POLK: variants seen among roughly 807,000 people sequenced by gnomAD.
POLK encodes polymerase (DNA directed) kappa.
In POLK, 76 loss-of-function variants were observed where a neutral mutation model predicts 94.0. The ratio of observed to expected loss-of-function variants is 0.81; its 90% CI spans 0.67 to 0.98. The LOEUF (loss-of-function observed/expected upper bound fraction) is 0.98. Among genes scored for constraint, POLK ranks in the 50% least tolerant of loss-of-function variants. The pLI is 0.00. For missense variants in POLK, 954 were observed against 1,010.1 expected, an observed-to-expected ratio of 0.94 and a Z score of 0.75; for synonymous variants, 349 against 325.4, an observed-to-expected ratio of 1.07 and a Z score of -0.78.
intron 3 of POLK, 126 bp from the exon 4 acceptor site, chr5:75,569,214 T>G (rs1348006450): frequency 4.8e-6 from 3 of 631,426 alleles, no homozygotes; most frequent in Non-Finnish European, 8.0e-6. Flanking sequence ...AATGGATGGA[T>G]GGATGGATGA....
chr5:75,547,158 GTA>G lies in POLK; in HGVS notation c.135+3_135+4del. 6.6e-7 allele frequency: 1 copy of G among 1,520,754 alleles called. No homozygotes were observed. The allele number at this position is 1,520,754 out of a possible 1,614,324, so 94.2% of individuals were successfully genotyped here. Reference sequence around the variant, plus strand: ...CAAAATTATAATGGAAGCCACGAAGGTATGTTTCTTGTTTCTTTTGATGTGTG... The same window carrying G: ...CAAAATTATAATGGAAGCCACGAAGGTGTTTCTTGTTTCTTTTGATGTGTG... On this transcript the variant is annotated splice_donor_variant and splice_donor_region_variant and intron_variant, in intron 2 of 14. Coordinates refer to ENST00000241436, the Ensembl canonical transcript of POLK. LOFTEE classifies it high-confidence loss of function.
At chr5:75,557,867 G>A (rs764825233) in intron 3 of POLK, among the ~76,000 whole-genome samples, 35 of 152,174 alleles carry the variant, frequency 2.3e-4, no homozygotes, top group Admixed American at 4.6e-4. Flanking sequence ...TCAGCTCACT[G>A]CATCTTCCTC....
In POLK at chr5:75,596,964, A is replaced by T. The variant is rs199828662; in HGVS notation, c.2271A>T (p.Gly757=). ...TTTCATTGGAAAACGAAGATGTTGG[A>T]TCATTTAGACAAGAATACCGCCAGC... Residue 757 remains glycine (G), a synonymous_variant, in exon 13 of 15, where the codon GGA becomes GGT. Transcript: ENST00000241436. The T allele has an allele frequency of 4.3e-6, 7 of 1,613,764 alleles. No homozygotes were observed. In the East Asian group the frequency reaches 1.6e-4, roughly 36 times the overall value.
At chr5:75,535,232 A>G (rs1769383455) in intron 1 of POLK, among the ~76,000 whole-genome samples, 1 of 152,180 alleles carries the variant, frequency 6.6e-6, no homozygotes, top group Non-Finnish European at 1.5e-5. Context: ...TTGGCTGGAT[A>G]TGGAATTCTT....
intron 4 of POLK, 73 bp from the exon 5 acceptor site, chr5:75,573,665 T>C: frequency 8.2e-7 from 1 of 1,213,396 alleles, no homozygotes; most frequent in Non-Finnish European, 1.2e-6. Context: ...TTAATGTGTT[T>C]CTTATGAATG....
chr5:75,578,366 A>G (rs963684854), intron 6 of POLK, among the ~76,000 whole-genome samples: 1 of 152,160 alleles, frequency 6.6e-6, no homozygotes, highest in African/African-American at 2.4e-5. Flanking sequence ...CATGTTGGCC[A>G]GGCTGGTCTC....
intron 2 of POLK, among the ~76,000 whole-genome samples, chr5:75,550,716 A>T (rs931499182): frequency 4.6e-5 from 7 of 152,204 alleles, no homozygotes; most frequent in African/African-American, 1.7e-4. Flanking sequence ...ACCACTATTC[A>T]TGCTAAAAGC....
the POLK span, among the ~76,000 whole-genome samples, chr5:75,608,120 C>A: frequency 6.6e-6 from 1 of 152,118 alleles, no homozygotes. Context: ...AAATTGCATT[C>A]CATATTTATT....
At chr5:75,517,924 T>C (rs1026660886) in intron 1 of POLK, among the ~76,000 whole-genome samples, 1 of 152,248 alleles carries the variant, frequency 6.6e-6, no homozygotes, top group African/African-American at 2.4e-5. Flanking sequence ...ATTCTGTTAA[T>C]GTGATGTATC....
intron 3 of POLK, among the ~76,000 whole-genome samples, chr5:75,563,168 G>T (rs1771077143): frequency 6.6e-6 from 1 of 152,082 alleles, no homozygotes; most frequent in East Asian, 1.9e-4. Flanking sequence ...CTCCATGTTG[G>T]TCAGGCTGGT....
At chr5:75,555,146 A>G (rs569405812) in intron 3 of POLK, among the ~76,000 whole-genome samples, 2 of 152,328 alleles carry the variant, frequency 1.3e-5, no homozygotes, top group African/African-American at 2.4e-5. Context: ...ACGTTGACAC[A>G]ACATTATCAT....
exon 13 of POLK, chr5:75,596,318 C>T: frequency 6.2e-7 from 1 of 1,612,574 alleles, no homozygotes; most frequent in Non-Finnish European, 8.5e-7. Flanking sequence ...GCCCTGTCAG[C>T]CACTGAGTGT....
At chr5:75,546,229 C>T (rs574223959) in intron 1 of POLK, among the ~76,000 whole-genome samples, 98 of 151,978 alleles carry the variant, frequency 6.4e-4, no homozygotes, top group African/African-American at 2.2e-3. Flanking sequence ...TGTATTTTTA[C>T]AATAAAGAAA....
intron 3 of POLK, chr5:75,568,733 T>C (rs1771418137): frequency 9.3e-6 from 4 of 428,602 alleles, no homozygotes; most frequent in Non-Finnish European, 1.8e-5. Flanking sequence ...ATTTACATTA[T>C]GCTACAGTAT....
At position 75,577,155 on chromosome 5, in the gene POLK, G is replaced by A. The variant is rs117683994; in HGVS notation, c.694+222G>A. ...AACAAAATGTGATTGTTAAATCTCTGAGCTTAAGAGTCTGCAGAGTCCCTG... is the reference window on the plus strand; with the variant it reads ...AACAAAATGTGATTGTTAAATCTCTAAGCTTAAGAGTCTGCAGAGTCCCTG... On this transcript the variant is annotated intron_variant, in intron 6 of 14. Transcript: ENST00000241436. Among the ~76,000 whole-genome samples the A allele has an allele frequency of 2.1e-3, 316 of 152,260 alleles. 1 individual carries two copies. In the East Asian group the frequency reaches 0.027, roughly 13 times the overall value.
intron 1 of POLK, among the ~76,000 whole-genome samples, chr5:75,536,761 TG>T (rs1309969401): frequency 3.3e-5 from 5 of 152,100 alleles, no homozygotes; most frequent in Non-Finnish European, 7.4e-5. Context: ...GGTGACATGC[TG>T]TCTTGTCTGG....
chr5:75,595,674 A>G (rs1773039994), intron 12 of POLK, among the ~76,000 whole-genome samples: 1 of 152,210 alleles, frequency 6.6e-6, no homozygotes, highest in Non-Finnish European at 1.5e-5. Flanking sequence ...AAATTTGTCC[A>G]GCGCCCAGGA....
intron 3 of POLK, among the ~76,000 whole-genome samples, chr5:75,559,319 T>G (rs900027383): frequency 6.6e-6 from 1 of 152,128 alleles, no homozygotes; most frequent in Non-Finnish European, 1.5e-5. Flanking sequence ...CCTCTCTAAG[T>G]ATACTCCACC....
At chr5:75,604,318 TA>T (rs780705851), downstream of POLK, among the ~76,000 whole-genome samples, 47 of 151,998 alleles carry the variant, frequency 3.1e-4, no homozygotes, top group African/African-American at 1.1e-3. Context: ...AACCTGGGGC[TA>T]AAAAAAACTG....
Sources: allele counts gnomAD v4.1 joint callset (sites outside exome capture counted in the v4.1 genomes callset), GRCh38; gene constraint gnomAD v4.1.1; transcripts MANE v1.5; gene names NCBI Gene and HGNC (gene_info 2026-07-23, HGNC 2026-07-21).